Variants in ARVCF observed in about 807,000 individuals in gnomAD.
ARVCF encodes splicing regulator ARVCF.
ARVCF carries 66 observed loss-of-function variants against 90.9 expected under a neutral mutation model. The ratio of observed to expected loss-of-function variants is 0.73; its 90% CI spans 0.60 to 0.89. ARVCF has a LOEUF of 0.89. Ranked by LOEUF, ARVCF falls within the 40% of genes least tolerant of loss-of-function variation. The pLI is 0.00. For synonymous variants in ARVCF, 653 were observed against 603.4 expected (o/e 1.08, Z -1.21); for missense variants, 1,469 against 1,382.3 (o/e 1.06, Z -1.00).
At chr22:19,988,923 C>G (rs1343249707) in intron 3 of ARVCF, among the ~76,000 whole-genome samples, 2 of 152,162 alleles carry the variant, frequency 1.3e-5, no homozygotes, top group African/African-American at 4.8e-5. Context: ...GTCTTGAAGT[C>G]TTTTGCCTGA....
chr22:19,993,923 T>G (rs1569181774), intron 2 of ARVCF, among the ~76,000 whole-genome samples: 1 of 152,086 alleles, frequency 6.6e-6, no homozygotes, highest in Non-Finnish European at 1.5e-5. Context: ...CCCAAGGGAA[T>G]CCAGGACCAG....
intron 8 of ARVCF, 58 bp downstream of exon 8, chr22:19,977,900 G>T: frequency 6.6e-7 from 1 of 1,524,340 alleles, no homozygotes; most frequent in Admixed American, 1.9e-5. Flanking sequence ...CAGCCTCCTG[G>T]GACCTGCATG....
intron 2 of ARVCF, among the ~76,000 whole-genome samples, chr22:20,001,534 T>C (rs1944445595): frequency 6.6e-6 from 1 of 152,230 alleles, no homozygotes; most frequent in Non-Finnish European, 1.5e-5. Context: ...CTGGGCACGA[T>C]GGCTCATACC....
At chr22:20,004,609 C>A (rs1329044392) in intron 2 of ARVCF, among the ~76,000 whole-genome samples, 1 of 151,956 alleles carries the variant, frequency 6.6e-6, no homozygotes, top group Non-Finnish European at 1.5e-5. Flanking sequence ...GGAAAAAGAA[C>A]AACATTTAAG....
chr22:19,987,620 C>T (rs1305928877), intron 3 of ARVCF, among the ~76,000 whole-genome samples: 4 of 152,202 alleles, frequency 2.6e-5, no homozygotes, highest in African/African-American at 9.6e-5. Context: ...ACAAACCTGG[C>T]TGCGACTCAG....
In ARVCF at chr22:19,972,737, C is replaced by G; in HGVS notation, c.2641G>C (p.Glu881Gln). 3 of 1,608,424 alleles carry G rather than the reference C, an allele frequency of 1.9e-6. No individual in the cohort carries two copies. Among genetic ancestry groups the G allele is most frequent in the Non-Finnish European group, 2.5e-6 (3 of 1,177,190 alleles). Reference protein sequence around the residue: ...STLPLVDKSLEGEKTGSRDVI... With the variant: ...STLPLVDKSLQGEKTGSRDVI... ...AGGCTCCCTAAGCTCCACCACTCAC[C>G]AAGGCTCTTGTCCACCAGTGGCAGC... Residue 881 changes from glutamate to glutamine, a missense_variant and splice_region_variant, in exon 16 of 20, where the codon GAG (glutamate) becomes CAG (glutamine). Coordinates refer to ENST00000263207, the MANE Select transcript of ARVCF (RefSeq NM_001670.3).
intron 3 of ARVCF, chr22:19,986,979 G>A (rs1348592826): frequency 2.7e-5 from 17 of 629,364 alleles, no homozygotes; most frequent in African/African-American, 2.5e-4. Flanking sequence ...CAGCGGCTCC[G>A]CGGAACAAAA....
At position 19,980,399 on chromosome 22, in the gene ARVCF, G is replaced by A. The variant is rs1438533894; in HGVS notation, c.897-157C>T. On this transcript the variant is annotated intron_variant, in intron 5 of 19. Coordinates refer to ENST00000263207, the MANE Select transcript of ARVCF (RefSeq NM_001670.3). ...GCCCGGAGCATGGTGGGGACACAGA[G>A]AGTCATGCACCAGCCCAGTGAGAAC... 3.4e-6 allele frequency: 4 copies of A among 1,171,346 alleles called. No homozygotes were observed. In the African/African-American group the frequency reaches 6.4e-5, roughly 19 times the overall value. The allele number at this position is 1,171,346 out of a possible 1,614,324, so 72.6% of individuals were successfully genotyped here. A position where few individuals can be genotyped will look rare whatever the true frequency, so the allele number is the denominator to read the frequency against.
chr22:19,973,517 C>G (rs968197278), intron 13 of ARVCF, 126 bp downstream of exon 13: 5 of 1,458,982 alleles, frequency 3.4e-6, no homozygotes, highest in African/African-American at 2.8e-5. Flanking sequence ...CCAGTTGGGA[C>G]AGCGCCCAAG....
intron 2 of ARVCF, among the ~76,000 whole-genome samples, chr22:19,995,791 CCCT>C (rs1427890589): frequency 2.6e-5 from 4 of 152,178 alleles, no homozygotes; most frequent in Non-Finnish European, 4.4e-5. Flanking sequence ...GCTGGCCCCC[CCCT>C]CGAGGGGAGA....
rs575986934 is a variant in ARVCF at position 19,970,121 on chromosome 22, G to T, written c.*635C>A. On this transcript the variant is annotated 3_prime_UTR_variant, in exon 20 of 20. Coordinates refer to ENST00000263207, the MANE Select transcript of ARVCF (RefSeq NM_001670.3). ...GCAGCCCCGGCCCCAGCCAGCATGG[G>T]CTGGAGAAAGGCTCTCTACTGCACA... The T allele has an allele frequency of 1.1e-5, 11 of 985,548 alleles. No individual in the cohort carries two copies. In the East Asian group the frequency reaches 1.0e-3, roughly 92 times the overall value. The allele number at this position is 985,548 out of a possible 1,614,324, so 61.1% of individuals were successfully genotyped here.
At position 19,990,614 on chromosome 22, in the gene ARVCF, G is replaced by C. The variant is rs750934045; in HGVS notation, c.181C>G (p.Pro61Ala). Residue 61 changes from proline (P) to alanine (A), a missense_variant, in exon 3 of 20, where the codon CCA (proline) becomes GCA (alanine). Pro to Ala is a conservative substitution (Grantham distance 27). Transcript: ENST00000263207. ...AGGACCAGCTGTTGCCAGGCCATTG[G>C]CAGGGGCTGCCCACTGCCCATGCCA... The part of the protein sequence containing the change: ...SGGMGSGQPL[P>A]MAWQQLVLQE... 6.2e-7 allele frequency: 1 copy of C among 1,609,592 alleles called. No individual in the cohort carries two copies. Among genetic ancestry groups the C allele is most frequent in the East Asian group, 2.2e-5 (1 of 44,804 alleles).
At position 19,988,841 on chromosome 22, in the gene ARVCF, G is replaced by T. The variant is rs80098492; in HGVS notation, c.210+1744C>A. ...CATGCTCTCTTCAATCCCAGCCTGA[G>T]AAAATCAAGGGTAGGGGGTCGGGGG... On this transcript the variant is annotated intron_variant, in intron 3 of 19. Transcript: ENST00000263207. Among the ~76,000 whole-genome samples the T allele has an allele frequency of 7.4e-3, 1,076 of 145,274 alleles. 3 individuals carry two copies. Among genetic ancestry groups the T allele is most frequent in the Non-Finnish European group, 0.011 (702 of 66,810 alleles).
downstream of ARVCF, among the ~76,000 whole-genome samples, chr22:19,965,877 CCT>C (rs1942365117): frequency 6.6e-6 from 1 of 152,112 alleles, no homozygotes; most frequent in African/African-American, 2.4e-5. Flanking sequence ...GGGGCTCACC[CCT>C]GACAAAGGAG....
At chr22:20,007,023 G>A (rs1434975907) in intron 2 of ARVCF, among the ~76,000 whole-genome samples, 2 of 152,244 alleles carry the variant, frequency 1.3e-5, no homozygotes, top group East Asian at 3.9e-4. Flanking sequence ...GGAGGCCAAG[G>A]CAAGTGGATT....
chr22:19,987,031 C>T (rs1484279100), intron 3 of ARVCF: 2 of 651,420 alleles, frequency 3.1e-6, no homozygotes, highest in South Asian at 3.3e-5. Flanking sequence ...CCTCTGCCTC[C>T]GACCCCGGGC....
chr22:20,012,132 TCCTCATGGGCCTCCTA>T (rs1202843025), intron 1 of ARVCF, among the ~76,000 whole-genome samples: 1 of 132,122 alleles, frequency 7.6e-6, no homozygotes, highest in Non-Finnish European at 1.6e-5. Flanking sequence ...CATGGGTCCT[TCCTCATGGGCCTCCTA>T]CCTCATGGGG....
chr22:19,990,607 G>A lies in ARVCF; in HGVS notation c.188C>T (p.Ala63Val). ...TACCTGGAGGACCAGCTGTTGCCAGGCCATTGGCAGGGGCTGCCCACTGCC... is the reference window on the plus strand; with the variant it reads ...TACCTGGAGGACCAGCTGTTGCCAGACCATTGGCAGGGGCTGCCCACTGCC... ...GMGSGQPLPMAWQQLVLQEQS... is the reference protein window; with the variant it reads ...GMGSGQPLPMVWQQLVLQEQS... The change falls in exon 3 of 20, where the codon GCC becomes GTC. Residue 63 changes from alanine (A) to valine (V), a missense_variant. Transcript: ENST00000263207. 6 of 1,609,436 alleles carry A rather than the reference G, an allele frequency of 3.7e-6. No individual in the cohort carries two copies. In the South Asian group the frequency reaches 5.5e-5, roughly 15 times the overall value.
Position 19,970,141 on chromosome 22 carries a change from T to C in ARVCF, c.*615A>G, listed in dbSNP as rs1601554418. On this transcript the variant is annotated 3_prime_UTR_variant, in exon 20 of 20. Transcript: ENST00000263207. ...CATGGGCTGGAGAAAGGCTCTCTAC[T>C]GCACAGGGGCCTCACGTGACTGCAG... The C allele has an allele frequency of 2.0e-6, 2 of 985,968 alleles. No homozygotes were observed. The highest frequency in any genetic ancestry group is 2.3e-4 in the East Asian group (2 of 8,756). The allele number at this position is 985,968 out of a possible 1,614,324, so 61.1% of individuals were successfully genotyped here.
Sources: allele counts gnomAD v4.1 joint callset (sites outside exome capture counted in the v4.1 genomes callset), GRCh38; gene constraint gnomAD v4.1.1; transcripts MANE v1.5; gene names NCBI Gene and HGNC (gene_info 2026-07-23, HGNC 2026-07-21).